Variants in TBP observed in about 807,000 individuals in gnomAD.
TBP encodes TATA-box-binding protein.
In TBP, 12 loss-of-function variants were observed where a neutral mutation model predicts 46.2. The ratio of observed to expected loss-of-function variants is 0.26; its 90% CI spans 0.17 to 0.42. The LOEUF (loss-of-function observed/expected upper bound fraction) is 0.42. Among genes scored for constraint, TBP ranks in the 10% least tolerant of loss-of-function variants. The probability of loss-of-function intolerance (pLI) is 1.00; values close to 1 mark genes in which losing one functional copy is unlikely to be tolerated. For missense variants in TBP, 229 were observed against 403.1 expected (o/e 0.57, Z 3.70); for synonymous variants, 157 against 148.3 (o/e 1.06, Z -0.42).
At position 170,564,642 on chromosome 6, in the gene TBP, A is replaced by G. The variant is rs1276751297; in HGVS notation, c.585+10A>G. On this transcript the variant is annotated intron_variant, in intron 4 of 7. Transcript: ENST00000392092. Reference sequence around the variant, plus strand: ...CGAATATAATCCCAAGGTTAGATCTATTTTAATGTATTTCTTTTTTTTTTC... The same window carrying G: ...CGAATATAATCCCAAGGTTAGATCTGTTTTAATGTATTTCTTTTTTTTTTC... 6 of 1,569,130 alleles carry G rather than the reference A, an allele frequency of 3.8e-6. No individual in the cohort carries two copies. The highest frequency in any genetic ancestry group is 4.5e-5 in the East Asian group (2 of 44,328).
chr6:170,556,557 A>G (rs1779032848), intron 1 of TBP, among the ~76,000 whole-genome samples: 1 of 152,206 alleles, frequency 6.6e-6, no homozygotes, highest in Non-Finnish European at 1.5e-5. Flanking sequence ...TTCTGCTCTG[A>G]TATTACATTT....
intron 4 of TBP, 38 bp from the exon 5 acceptor site, chr6:170,566,880 G>A: frequency 6.3e-7 from 1 of 1,592,956 alleles, no homozygotes; most frequent in South Asian, 1.1e-5. Context: ...TGAGCAGTTT[G>A]GCATGACCTC....
At chr6:170,565,383 A>G (rs1779226263) in intron 4 of TBP, among the ~76,000 whole-genome samples, 1 of 152,210 alleles carries the variant, frequency 6.6e-6, no homozygotes, top group Non-Finnish European at 1.5e-5. Context: ...TTAGCCAGCT[A>G]TAGTAGGCAA....
At chr6:170,555,817 C>T (rs1779013430) in intron 1 of TBP, among the ~76,000 whole-genome samples, 2 of 152,144 alleles carry the variant, frequency 1.3e-5, no homozygotes, top group South Asian at 4.1e-4. Context: ...TGTTATAATA[C>T]TATGTTTTAC....
chr6:170,569,803 T>C, intron 6 of TBP, 24 bp downstream of exon 6: 2 of 1,595,878 alleles, frequency 1.3e-6, no homozygotes, highest in South Asian at 1.1e-5. Flanking sequence ...GTATTATGAT[T>C]GTTATTGGCA....
At position 170,564,594 on chromosome 6, in the gene TBP, A is replaced by G. The variant is rs1779209624; in HGVS notation, c.547A>G (p.Ile183Val). Residue 183 changes from isoleucine to valine, a missense_variant, in exon 4 of 8, where the codon ATT becomes GTT. Around this residue, in one of 4 missense-constraint regions of TBP, gnomAD observed 67 missense variants for 188.2 expected, o/e 0.36. Transcript: ENST00000392092. ...TGGTTGTAAACTTGACCTAAAGACC[A>G]TTGCACTTCGTGCCCGAAACGCCGA... is the stretch of plus-strand genomic sequence containing the variant. ...NLGCKLDLKT[I>V]ALRARNAEYN... 2 of 1,611,050 alleles carry G rather than the reference A, an allele frequency of 1.2e-6. No individual in the cohort carries two copies. The highest frequency in any genetic ancestry group is 1.7e-5 in the Admixed American group (1 of 59,876).
At chr6:170,567,034 TGGTC>T (rs1184093472) in intron 5 of TBP, 25 bp downstream of exon 5, 1 of 1,595,418 alleles carries the variant, frequency 6.3e-7, no homozygotes, top group South Asian at 1.1e-5. Flanking sequence ...TTCATTCTTC[TGGTC>T]TATGGGTTAT....
chr6:170,565,808 C>T (rs1179128186), intron 4 of TBP, among the ~76,000 whole-genome samples: 1 of 152,192 alleles, frequency 6.6e-6, no homozygotes, highest in African/African-American at 2.4e-5. Context: ...CATGGTGACT[C>T]AGACCTGTAA....
chr6:170,569,171 A>G (rs570735880), intron 5 of TBP, among the ~76,000 whole-genome samples: 2 of 152,324 alleles, frequency 1.3e-5, no homozygotes, highest in South Asian at 2.1e-4. Context: ...TATTCAACAA[A>G]TGACATAGGA....
In TBP at chr6:170,564,582, G is replaced by A; in HGVS notation, c.535G>A (p.Asp179Asn). The A allele has an allele frequency of 6.2e-7, 1 of 1,610,024 alleles. No individual in the cohort carries two copies. Among genetic ancestry groups the A allele is most frequent in the Non-Finnish European group, 8.5e-7 (1 of 1,177,874 alleles). ...VSTVNLGCKL[D>N]LKTIALRARN... ...CACAGTGAATCTTGGTTGTAAACTTGACCTAAAGACCATTGCACTTCGTGC... is the reference window on the plus strand; with the variant it reads ...CACAGTGAATCTTGGTTGTAAACTTAACCTAAAGACCATTGCACTTCGTGC... The change falls in exon 4 of 8, where the codon GAC becomes AAC. Residue 179 changes from aspartate (D) to asparagine (N), a missense_variant. Transcript: ENST00000392092.
intron 2 of TBP, among the ~76,000 whole-genome samples, chr6:170,559,181 T>C (rs1779092681): frequency 6.6e-6 from 1 of 152,168 alleles, no homozygotes; most frequent in Non-Finnish European, 1.5e-5. Flanking sequence ...AATATGGAAA[T>C]TAGGCTAATT....
intron 5 of TBP, 141 bp downstream of exon 5, chr6:170,567,150 ATTAT>A (rs1245823156): frequency 1.3e-5 from 4 of 318,714 alleles, no homozygotes; most frequent in African/African-American, 2.5e-5. Context: ...GATTCTATTA[ATTAT>A]TTTTATTTAT....
chr6:170,556,144 A>G (rs1352039258), intron 1 of TBP, among the ~76,000 whole-genome samples: 1 of 152,194 alleles, frequency 6.6e-6, no homozygotes, highest in Admixed American at 6.5e-5. Context: ...CACATGCTTG[A>G]AGTGCATATG....
chr6:170,568,696 G>A (rs183645270), intron 5 of TBP, among the ~76,000 whole-genome samples: 1 of 151,278 alleles, frequency 6.6e-6, no homozygotes, highest in Non-Finnish European at 1.5e-5. Context: ...CTCATGATCC[G>A]CCTGCCTCAG....
chr6:170,565,918 T>A (rs1779236998), intron 4 of TBP, among the ~76,000 whole-genome samples: 1 of 151,812 alleles, frequency 6.6e-6, no homozygotes. Context: ...TCAGAAAATT[T>A]AAAAAATTAT....
At chr6:170,556,765 C>A (rs1779038483) in intron 1 of TBP, 117 bp from the exon 2 acceptor site, 2 of 333,300 alleles carry the variant, frequency 6.0e-6, no homozygotes, top group South Asian at 1.3e-4. Flanking sequence ...CAAATGTATT[C>A]CAAAATAGCT....
intron 2 of TBP, 33 bp downstream of exon 2, chr6:170,557,116 C>A (rs751439710): frequency 8.8e-6 from 14 of 1,593,468 alleles, no homozygotes; most frequent in East Asian, 6.7e-5. Flanking sequence ...ATAGGGAGGG[C>A]GGAAATCTGA....
rs1779264216 is a variant in TBP, at chr6:170,566,980, T to C, written c.648T>C (p.Ser216=). 1 of 1,613,776 alleles carries C rather than the reference T, an allele frequency of 6.2e-7. No individual in the cohort carries two copies. The highest frequency in any genetic ancestry group is 8.5e-7 in the Non-Finnish European group (1 of 1,179,842). ...EPRTTALIFS[S]GKMVCTGAKS... is the part of the protein sequence containing the mutation. The stretch of plus-strand genomic sequence containing the variant: ...GAACCACGGCACTGATTTTCAGTTC[T>C]GGGAAAATGGTGTGCACAGGAGCCA... The change falls in exon 5 of 8, where the codon TCT becomes TCC. Residue 216 remains serine (S), a synonymous_variant. Coordinates refer to ENST00000392092, the MANE Select transcript of TBP (RefSeq NM_003194.5).
chr6:170,564,731 G>A (rs1583130150), intron 4 of TBP, 99 bp downstream of exon 4: 5 of 755,256 alleles, frequency 6.6e-6, no homozygotes, highest in East Asian at 7.1e-5. Flanking sequence ...ACAAATGTCT[G>A]TAGATCAGGC....
Sources: allele counts gnomAD v4.1 joint callset (sites outside exome capture counted in the v4.1 genomes callset), GRCh38; gene constraint gnomAD v4.1.1; regional missense constraint gnomAD v4.1.1; transcripts MANE v1.5; gene names NCBI Gene and HGNC (gene_info 2026-07-23, HGNC 2026-07-21).